The following TMEM45A variants were observed in gnomAD, a reference collection of about 807,000 sequenced individuals.
TMEM45A encodes DNA polymerase-transactivated protein 4.
TMEM45A carries 25 observed loss-of-function variants against 32.0 expected under a neutral mutation model. The observed-to-expected ratio is 0.78, with a 90% confidence interval of 0.57 to 1.09. The LOEUF (loss-of-function observed/expected upper bound fraction) is 1.09. Among genes scored for constraint, TMEM45A ranks in the 50% least tolerant of loss-of-function variants. The pLI, the probability that TMEM45A is intolerant of heterozygous loss-of-function variation, is 0.00. For synonymous variants in TMEM45A, 122 were observed against 114.8 expected (o/e 1.06, Z -0.40); for missense variants, 302 against 325.0 (o/e 0.93, Z 0.54).
chr3:100,518,141 A>G (rs1157862468), intron 1 of TMEM45A, among the ~76,000 whole-genome samples: 1 of 152,170 alleles, frequency 6.6e-6, no homozygotes, highest in Non-Finnish European at 1.5e-5. Flanking sequence ...ATTCTTCTCA[A>G]ACATTTTGTT....
chr3:100,519,664 A>C, intron 1 of TMEM45A: 1 of 1,507,026 alleles, frequency 6.6e-7, no homozygotes. Flanking sequence ...AAGAGCAAGA[A>C]CTTTTGATTC....
chr3:100,508,057 T>C (rs969449274), intron 1 of TMEM45A, among the ~76,000 whole-genome samples: 7 of 151,762 alleles, frequency 4.6e-5, no homozygotes, highest in East Asian at 1.9e-4. Context: ...GCAAAGCAGC[T>C]GGCCCAGCTG....
rs545147864 is a variant in TMEM45A, at chr3:100,534,293, G to A, written c.-3-20916G>A. Among the ~76,000 whole-genome samples, 11 of 152,306 alleles carry A rather than the reference G, an allele frequency of 7.2e-5. No individual in the cohort carries two copies. The East Asian group carries it at 1.9e-3, about 27-fold the overall frequency. The stretch of plus-strand genomic sequence containing the variant: ...AATATGTTACCTGATGCAGCCAAAA[G>A]GATTTTGCAGACATGATTAAAGTTC... On this transcript the variant is annotated intron_variant, in intron 1 of 5. Transcript: ENST00000323523.
chr3:100,563,178 C>A lies in TMEM45A; in HGVS notation c.588+4589C>A, dbSNP rs149530907. On this transcript the variant is annotated intron_variant, in intron 4 of 5. Coordinates refer to ENST00000323523, the MANE Select transcript of TMEM45A (RefSeq NM_018004.3). Reference sequence around the variant, plus strand: ...CTTGGCATTCCTTGGCTTGTGGCAGCAAGACTTCATTCTCTGCCTTTATTA... The same window carrying A: ...CTTGGCATTCCTTGGCTTGTGGCAGAAAGACTTCATTCTCTGCCTTTATTA... Among the ~76,000 whole-genome samples, 281 of 152,320 alleles carry A rather than the reference C, an allele frequency of 1.8e-3. 4 individuals are homozygous for A. In the South Asian group the frequency reaches 0.028, roughly 15 times the overall value.
intron 1 of TMEM45A, among the ~76,000 whole-genome samples, chr3:100,497,684 C>CA (rs1707948801): frequency 6.6e-6 from 1 of 152,258 alleles, no homozygotes; most frequent in African/African-American, 2.4e-5. Flanking sequence ...TAGCTTATTT[C>CA]ATTTAGCAAA....
At chr3:100,549,435 A>G (rs1246083530) in intron 1 of TMEM45A, among the ~76,000 whole-genome samples, 1 of 152,022 alleles carries the variant, frequency 6.6e-6, no homozygotes, top group Non-Finnish European at 1.5e-5. Flanking sequence ...AATATCCTTC[A>G]CTGGCCTTGG....
intron 1 of TMEM45A, among the ~76,000 whole-genome samples, chr3:100,500,837 G>C (rs1475391727): frequency 6.6e-6 from 1 of 152,224 alleles, no homozygotes; most frequent in African/African-American, 2.4e-5. Flanking sequence ...CCACAGCAAG[G>C]AAGTGGGTGG....
At chr3:100,544,983 C>T (rs1705956377) in intron 1 of TMEM45A, among the ~76,000 whole-genome samples, 1 of 152,200 alleles carries the variant, frequency 6.6e-6, no homozygotes, top group Non-Finnish European at 1.5e-5. Flanking sequence ...GGTCCACATC[C>T]ATACCAACAC....
At chr3:100,508,617 G>T (rs1441429417) in intron 1 of TMEM45A, among the ~76,000 whole-genome samples, 1 of 152,092 alleles carries the variant, frequency 6.6e-6, no homozygotes, top group African/African-American at 2.4e-5. Flanking sequence ...CAGACACATA[G>T]AGAAGTGGAA....
intron 1 of TMEM45A, chr3:100,519,429 T>A: frequency 2.8e-6 from 2 of 721,598 alleles, no homozygotes; most frequent in East Asian, 5.4e-5. Flanking sequence ...CTGTAAGATG[T>A]CAAGTTTCAG....
At chr3:100,525,213 A>T (rs962658606) in intron 1 of TMEM45A, among the ~76,000 whole-genome samples, 1 of 152,122 alleles carries the variant, frequency 6.6e-6, no homozygotes, top group African/African-American at 2.4e-5. Flanking sequence ...AAGAGAAAAA[A>T]ATGGAATGCC....
intron 1 of TMEM45A, among the ~76,000 whole-genome samples, chr3:100,508,046 A>G (rs1392176888): frequency 6.6e-6 from 1 of 151,836 alleles, no homozygotes; most frequent in Non-Finnish European, 1.5e-5. Flanking sequence ...AGGAGAGGAA[A>G]GCAAAGCAGC....
chr3:100,532,429 G>A (rs1705663459), intron 1 of TMEM45A, among the ~76,000 whole-genome samples: 2 of 152,200 alleles, frequency 1.3e-5, no homozygotes, highest in South Asian at 4.1e-4. Flanking sequence ...CGGCTTTAAT[G>A]TACTTAACAG....
intron 4 of TMEM45A, among the ~76,000 whole-genome samples, chr3:100,563,316 T>G (rs1163431483): frequency 6.6e-6 from 1 of 152,240 alleles, no homozygotes; most frequent in Non-Finnish European, 1.5e-5. Context: ...TGACTTCACC[T>G]TAACTTGATT....
At chr3:100,534,007 A>T (rs1401236512) in intron 1 of TMEM45A, among the ~76,000 whole-genome samples, 1 of 152,070 alleles carries the variant, frequency 6.6e-6, no homozygotes, top group Non-Finnish European at 1.5e-5. Flanking sequence ...ATATACTGGT[A>T]TTTTTTATGA....
intron 1 of TMEM45A, among the ~76,000 whole-genome samples, chr3:100,522,623 G>C (rs899366543): frequency 2.0e-5 from 3 of 152,140 alleles, no homozygotes; most frequent in Admixed American, 1.3e-4. Flanking sequence ...GTAGGTGGGA[G>C]GGCTCATTCC....
intron 1 of TMEM45A, among the ~76,000 whole-genome samples, chr3:100,551,092 C>T (rs1706090402): frequency 6.7e-6 from 1 of 148,886 alleles, no homozygotes; most frequent in African/African-American, 2.5e-5. Flanking sequence ...CGGCTGACTG[C>T]AAGCTCCGCC....
chr3:100,562,778 G>A (rs965064740), intron 4 of TMEM45A, among the ~76,000 whole-genome samples: 3 of 152,132 alleles, frequency 2.0e-5, no homozygotes, highest in Admixed American at 1.3e-4. Context: ...ATCTCATGGG[G>A]TTATTGGGAA....
intron 1 of TMEM45A, among the ~76,000 whole-genome samples, chr3:100,554,358 A>G (rs751898136): frequency 7.9e-5 from 12 of 152,204 alleles, no homozygotes; most frequent in Non-Finnish European, 1.8e-4. Flanking sequence ...TTAGCACAAT[A>G]AGGGATTGTT....
Sources: gnomAD v4.1 joint callset for allele counts (sites outside exome capture counted in the v4.1 genomes callset) on GRCh38, gnomAD v4.1.1 for gene constraint, MANE v1.5 for transcripts, NCBI Gene and HGNC (gene_info 2026-07-23, HGNC 2026-07-21) for gene names.